Variants in SULF2 observed in about 807,000 individuals in gnomAD.
SULF2 encodes the protein sulfatase 2, also known as extracellular sulfatase Sulf-2.
SULF2 carries 52 observed loss-of-function variants against 107.7 expected under a neutral mutation model. The ratio of observed to expected loss-of-function variants is 0.48; its 90% confidence interval spans 0.39 to 0.61. The LOEUF (loss-of-function observed/expected upper bound fraction) is 0.61. Among genes scored for constraint, SULF2 ranks in the 20% least tolerant of loss-of-function variants. SULF2 has a pLI of 0.00. For synonymous variants in SULF2, 460 were observed against 464.3 expected (o/e 0.99, Z 0.12); for missense variants, 993 against 1,177.3 (o/e 0.84, Z 2.29).
At chr20:47,779,332 T>C (rs939021617) in intron 1 of SULF2, among the ~76,000 whole-genome samples, 5 of 152,184 alleles carry the variant, frequency 3.3e-5, no homozygotes, top group Admixed American at 2.6e-4. Context: ...TCACCCTCGG[T>C]TGAGAATCAA....
intron 3 of SULF2, among the ~76,000 whole-genome samples, chr20:47,725,848 G>A (rs1356176995): frequency 6.6e-6 from 1 of 152,190 alleles, no homozygotes; most frequent in African/African-American, 2.4e-5. Flanking sequence ...GTAGGAACTC[G>A]GTTTCCCTTC....
chr20:47,780,756 G>A (rs142608671), intron 1 of SULF2, among the ~76,000 whole-genome samples: 54 of 152,250 alleles, frequency 3.5e-4, no homozygotes, highest in African/African-American at 1.3e-3. Context: ...GTTTTGCCAT[G>A]TTGGCCAGGC....
chr20:47,752,565 TA>T (rs11319849), intron 2 of SULF2, among the ~76,000 whole-genome samples: 92,463 of 132,054 alleles, frequency 0.7, 31,707 homozygotes, highest in East Asian at 0.77. Context: ...AGCCCATCTC[TA>T]AAAAAAAAAA....
chr20:47,661,739 T>G (rs1181062524), intron 18 of SULF2, 34 bp downstream of exon 18: 3 of 1,485,124 alleles, frequency 2.0e-6, no homozygotes, highest in Non-Finnish European at 2.7e-6. Context: ...GTTACCCTGC[T>G]GTCCAAGGGC....
At position 47,661,759 on chromosome 20, in the gene SULF2, G is replaced by A. The variant is rs752714194; in HGVS notation, c.2494+14C>T. 11 of 1,522,086 alleles carry A rather than the reference G, an allele frequency of 7.2e-6. No homozygotes were observed. Among genetic ancestry groups the A allele is most frequent in the South Asian group, 1.2e-5 (1 of 80,362 alleles). 94.3% of individuals were successfully genotyped at this position (1,522,086 alleles called of 1,614,324 possible). A position where few individuals can be genotyped will look rare whatever the true frequency, so the allele number is the denominator to read the frequency against. Reference sequence around the variant, plus strand: ...CCTGCTGTCCAAGGGCCCCACGTTGGGGTGCCTACTCACCCAGGTCCATGT... The same window carrying A: ...CCTGCTGTCCAAGGGCCCCACGTTGAGGTGCCTACTCACCCAGGTCCATGT... On this transcript the variant is annotated intron_variant, in intron 18 of 20. Transcript: ENST00000688720.
At chr20:47,705,439 C>T (rs1177274625) in intron 3 of SULF2, among the ~76,000 whole-genome samples, 1 of 152,174 alleles carries the variant, frequency 6.6e-6, no homozygotes, top group Non-Finnish European at 1.5e-5. Context: ...GACTGGGCGT[C>T]CCTGGCTAGG....
At position 47,658,327 on chromosome 20, in the gene SULF2, C is replaced by G. The variant is rs72646228; in HGVS notation, c.*35G>C. ...TCATTGCCTGTGCAGTCAGGTGATGCCTCTATGTTTTTGGAGGTCCACCTC... is the reference window on the plus strand; with the variant it reads ...TCATTGCCTGTGCAGTCAGGTGATGGCTCTATGTTTTTGGAGGTCCACCTC... On this transcript the variant is annotated 3_prime_UTR_variant, in exon 21 of 21. Transcript: ENST00000688720. The G allele has an allele frequency of 1.4e-5, 22 of 1,611,866 alleles. No individual in the cohort carries two copies. The highest frequency in any genetic ancestry group is 1.9e-5 in the Non-Finnish European group (22 of 1,177,922).
At chr20:47,777,047 AAGAC>A (rs961918378) in intron 1 of SULF2, among the ~76,000 whole-genome samples, 2 of 152,228 alleles carry the variant, frequency 1.3e-5, no homozygotes, top group African/African-American at 2.4e-5. Context: ...AGCGATGAAC[AAGAC>A]AGACAATGTC....
intron 3 of SULF2, among the ~76,000 whole-genome samples, chr20:47,714,135 G>A (rs1000070935): frequency 1.3e-5 from 2 of 152,214 alleles, no homozygotes; most frequent in African/African-American, 2.4e-5. Context: ...ACAGACCCGC[G>A]CCATTTCGCA....
rs1040296596 is a variant in SULF2, at chr20:47,725,025, T to C, written c.415+11678A>G. On this transcript the variant is annotated intron_variant, in intron 3 of 20. Coordinates refer to ENST00000688720, the MANE Select transcript of SULF2 (RefSeq NM_001387048.1). Reference sequence around the variant, plus strand: ...AATTTATAATGAAGATAAATTTCAATATGAAATTCCCCCAGCACATCCATC... The same window carrying C: ...AATTTATAATGAAGATAAATTTCAACATGAAATTCCCCCAGCACATCCATC... 2.0e-5 allele frequency among the ~76,000 whole-genome samples: 3 copies of C among 152,214 alleles called. No individual in the cohort carries two copies. In the East Asian group the frequency reaches 5.8e-4, roughly 29 times the overall value.
chr20:47,726,482 C>T (rs893793809), intron 3 of SULF2, among the ~76,000 whole-genome samples: 11 of 152,102 alleles, frequency 7.2e-5, no homozygotes, highest in African/African-American at 2.2e-4. Flanking sequence ...TTCCAAGTGC[C>T]GGGATTACAG....
intron 3 of SULF2, chr20:47,706,952 A>G (rs1049920065): frequency 2.6e-5 from 4 of 152,188 alleles, no homozygotes; most frequent in African/African-American, 9.7e-5. Context: ...ATAAATCGGT[A>G]TTCCCATTTT....
chr20:47,729,618 G>A (rs1033163702), intron 3 of SULF2, among the ~76,000 whole-genome samples: 41 of 152,246 alleles, frequency 2.7e-4, no homozygotes, highest in African/African-American at 9.9e-4. Context: ...TGGTGCTAAG[G>A]TTTTGGCCTG....
chr20:47,664,107 C>T (rs913443169), intron 15 of SULF2, 23 bp downstream of exon 15: 8 of 1,612,918 alleles, frequency 5.0e-6, no homozygotes, highest in African/African-American at 1.3e-5. Flanking sequence ...CATCTCTTCC[C>T]CAGGACCTCA....
intron 1 of SULF2, among the ~76,000 whole-genome samples, chr20:47,773,241 TGGA>T (rs2090664822): frequency 6.6e-6 from 1 of 151,880 alleles, no homozygotes; most frequent in African/African-American, 2.4e-5. Flanking sequence ...GATACCTTGG[TGGA>T]GGAGAAAATG....
rs1260503697 is a variant in SULF2, at chr20:47,785,439, C to CGCCGCTGCCGCT, written c.-209_-198dup. On this transcript the variant is annotated 5_prime_UTR_variant, in exon 1 of 21. Coordinates refer to ENST00000688720, the MANE Select transcript of SULF2 (RefSeq NM_001387048.1). ...CCGCTGGGCGCAGGGGACTCCGCGC[C>CGCCGCTGCCGCT]GCCGCTGCCGCTGCCGCCGCCGCCG... 1 of 147,030 alleles carries CGCCGCTGCCGCT rather than the reference C, an allele frequency of 6.8e-6. No individual in the cohort carries two copies. Among genetic ancestry groups the CGCCGCTGCCGCT allele is most frequent in the Admixed American group, 7.0e-5 (1 of 14,238 alleles). The allele number at this position is 147,030 out of a possible 1,614,324, so 9.1% of individuals were successfully genotyped here. A position where few individuals can be genotyped will look rare whatever the true frequency, so the allele number is the denominator to read the frequency against.
At chr20:47,778,909 T>G (rs2090772311) in intron 1 of SULF2, among the ~76,000 whole-genome samples, 1 of 152,132 alleles carries the variant, frequency 6.6e-6, no homozygotes, top group Non-Finnish European at 1.5e-5. Context: ...TCCCACAGCT[T>G]AAAATAACAT....
intron 4 of SULF2, among the ~76,000 whole-genome samples, chr20:47,693,891 T>C (rs963848902): frequency 6.6e-6 from 1 of 152,150 alleles, no homozygotes; most frequent in Non-Finnish European, 1.5e-5. Flanking sequence ...AAAGCACCAA[T>C]AGATGTGAAG....
chr20:47,717,695 A>C (rs1296538550), intron 3 of SULF2, among the ~76,000 whole-genome samples: 4 of 152,174 alleles, frequency 2.6e-5, no homozygotes, highest in African/African-American at 9.6e-5. Context: ...CTTTTGAAGG[A>C]AGGTCATTCC....
Sources: gnomAD v4.1 joint callset for allele counts (sites outside exome capture counted in the v4.1 genomes callset) on GRCh38, gnomAD v4.1.1 for gene constraint, MANE v1.5 for transcripts, NCBI Gene and HGNC (gene_info 2026-07-23, HGNC 2026-07-21) for gene names.